The following ONECUT2 variants were observed in gnomAD, a reference collection of about 807,000 sequenced individuals.
ONECUT2 encodes the protein one cut domain family member 2.
Under a neutral mutation model 27.9 loss-of-function variants are expected in ONECUT2, and 10 were observed. The ratio of observed to expected loss-of-function variants is 0.36; its 90% CI spans 0.22 to 0.61. The LOEUF is 0.61. ONECUT2 is among the 20% of genes least tolerant of loss of function. The pLI is 0.73. For synonymous variants in ONECUT2, 334 were observed against 315.1 expected, an observed-to-expected ratio of 1.06 and a Z score of -0.64; for missense variants, 686 against 721.0, an observed-to-expected ratio of 0.95 and a Z score of 0.56.
intron 1 of ONECUT2, among the ~76,000 whole-genome samples, chr18:57,454,785 C>T (rs892428943): frequency 6.6e-6 from 1 of 152,188 alleles, no homozygotes; most frequent in African/African-American, 2.4e-5. Context: ...TCCCCACCCC[C>T]AATGTCCTTT....
chr18:57,471,344 GT>G (rs1265288852), intron 1 of ONECUT2, among the ~76,000 whole-genome samples: 1 of 152,234 alleles, frequency 6.6e-6, no homozygotes, highest in African/African-American at 2.4e-5. Context: ...ATGGAGTTGG[GT>G]TGGGATGGGG....
chr18:57,477,004 G>C lies in ONECUT2; in HGVS notation c.*281G>C. 2.3e-6 allele frequency: 1 copy of C among 430,674 alleles called. No homozygotes were observed. Among genetic ancestry groups the C allele is most frequent in the Non-Finnish European group, 4.2e-6 (1 of 239,788 alleles). 26.7% of individuals were successfully genotyped at this position (430,674 alleles called of 1,614,324 possible). ...TGCTAAGCATCCCAGAAACCCAAAT[G>C]GGGCCTTCCTGGAGCGAGTTAATTC... is the stretch of plus-strand genomic sequence containing the variant. On this transcript the variant is annotated 3_prime_UTR_variant, in exon 2 of 2. Transcript: ENST00000491143.
rs1282726245 is a variant in ONECUT2, at chr18:57,435,992, C to CACG, written c.277_279dup (p.Thr93dup). 6.6e-7 allele frequency: 1 copy of CACG among 1,506,314 alleles called. No individual in the cohort carries two copies. The highest frequency in any genetic ancestry group is 8.8e-7 in the Non-Finnish European group (1 of 1,131,776). The allele number at this position is 1,506,314 out of a possible 1,614,324, so 93.3% of individuals were successfully genotyped here. The stretch of plus-strand genomic sequence containing the variant: ...CTCCAACCGCGCACCAGGAGCTGGG[C>CACG]ACGGCGGCAGCGGCGGCAGCGGCGG... On this transcript the variant is annotated inframe_insertion, in exon 1 of 2. Coordinates refer to ENST00000491143, the MANE Select transcript of ONECUT2 (RefSeq NM_004852.3).
In ONECUT2 at chr18:57,485,966, A is replaced by C. The variant is rs3745069; in HGVS notation, c.*9243A>C. On this transcript the variant is annotated 3_prime_UTR_variant, in exon 2 of 2. Coordinates refer to ENST00000491143, the MANE Select transcript of ONECUT2 (RefSeq NM_004852.3). ...TTCCTAAATTCCTATTGGAATTAGAACTCTCAGAATCCCTGGGAGACAGAG... is the reference window on the plus strand; with the variant it reads ...TTCCTAAATTCCTATTGGAATTAGACCTCTCAGAATCCCTGGGAGACAGAG... 0.039 allele frequency: 5,887 copies of C among 152,518 alleles called. 318 individuals are homozygous for C. The highest frequency in any genetic ancestry group is 0.25 in the East Asian group (1,310 of 5,180). 9.4% of individuals were successfully genotyped at this position (152,518 alleles called of 1,614,324 possible).
chr18:57,475,022 A>G (rs1292201174), intron 1 of ONECUT2, among the ~76,000 whole-genome samples: 4 of 145,780 alleles, frequency 2.7e-5, no homozygotes, highest in Admixed American at 2.1e-4. Flanking sequence ...CACTGTCACC[A>G]CACCCCTAGG....
In ONECUT2 at chr18:57,487,199, T is replaced by C. The variant is rs544152897; in HGVS notation, c.*10476T>C. 1.8e-4 allele frequency: 27 copies of C among 152,698 alleles called. No individual in the cohort carries two copies. The highest frequency in any genetic ancestry group is 6.5e-4 in the African/African-American group (27 of 41,560). The allele number at this position is 152,698 out of a possible 1,614,324, so 9.5% of individuals were successfully genotyped here. A position where few individuals can be genotyped will look rare whatever the true frequency, so the allele number is the denominator to read the frequency against. ...GATCTGAAAATGAGTCACATTGAATTGGGTTCCAGCTTTATAATGAGAAAC... is the reference window on the plus strand; with the variant it reads ...GATCTGAAAATGAGTCACATTGAATCGGGTTCCAGCTTTATAATGAGAAAC... On this transcript the variant is annotated 3_prime_UTR_variant, in exon 2 of 2. Coordinates refer to ENST00000491143, the MANE Select transcript of ONECUT2 (RefSeq NM_004852.3).
In ONECUT2 at chr18:57,490,784, A is replaced by G. The variant is rs2050462001; in HGVS notation, c.*14061A>G. On this transcript the variant is annotated 3_prime_UTR_variant, in exon 2 of 2. Transcript: ENST00000491143. Reference sequence around the variant, plus strand: ...TTATTGCCAAGAAAATCGTAGGGAAAAACTTTAAACTTTTCTTTTCAGTTG... The same window carrying G: ...TTATTGCCAAGAAAATCGTAGGGAAGAACTTTAAACTTTTCTTTTCAGTTG... 1 of 152,444 alleles carries G rather than the reference A, an allele frequency of 6.6e-6. No homozygotes were observed. Among genetic ancestry groups the G allele is most frequent in the Non-Finnish European group, 1.5e-5 (1 of 68,036 alleles). 9.4% of individuals were successfully genotyped at this position (152,444 alleles called of 1,614,324 possible). A position where few individuals can be genotyped will look rare whatever the true frequency, so the allele number is the denominator to read the frequency against.
chr18:57,472,403 C>T (rs756706059), intron 1 of ONECUT2, among the ~76,000 whole-genome samples: 2 of 152,192 alleles, frequency 1.3e-5, no homozygotes, highest in African/African-American at 2.4e-5. Context: ...GGCAGGTGTT[C>T]TCCCTCCTGT....
chr18:57,436,452 C>T lies in ONECUT2; in HGVS notation c.736C>T (p.Leu246=), dbSNP rs765622199. The stretch of plus-strand genomic sequence containing the variant: ...CGGCCTCCACAACGCGCAGCAGAGT[C>T]TGCCCAACTACGGTCCGCCGGGCCA... ...LGGLHNAQQS[L]PNYGPPGHDK... is the part of the protein sequence containing the mutation. The change falls in exon 1 of 2, where the codon CTG becomes TTG. Residue 246 remains leucine (L), a synonymous_variant. Transcript: ENST00000491143. This position sits in a 1 kb window ranked among gnomAD's most constrained non-coding sequence, Gnocchi z 5.9. The T allele has an allele frequency of 1.1e-5, 18 of 1,612,930 alleles. No individual in the cohort carries two copies. The highest frequency in any genetic ancestry group is 1.4e-5 in the Non-Finnish European group (17 of 1,179,848).
intron 1 of ONECUT2, among the ~76,000 whole-genome samples, chr18:57,449,836 TG>T: frequency 6.6e-6 from 1 of 152,372 alleles, no homozygotes; most frequent in South Asian, 2.1e-4. Context: ...CAGCTAACTT[TG>T]GCCCATTCCT....
intron 1 of ONECUT2, among the ~76,000 whole-genome samples, chr18:57,459,036 T>G (rs1381178392): frequency 6.6e-6 from 1 of 152,238 alleles, no homozygotes; most frequent in Non-Finnish European, 1.5e-5. Context: ...AATGTCCTGT[T>G]CATATCCTTG....
At chr18:57,439,236 C>G (rs1331897614) in intron 1 of ONECUT2, among the ~76,000 whole-genome samples, 1 of 152,162 alleles carries the variant, frequency 6.6e-6, no homozygotes, top group Non-Finnish European at 1.5e-5. Context: ...GGTCCTCAGC[C>G]CCACCCGCGC....
At position 57,476,528 on chromosome 18, in the gene ONECUT2, A is replaced by C. The variant is rs2050382917; in HGVS notation, c.1320A>C (p.Thr440=). 1 of 1,614,122 alleles carries C rather than the reference A, an allele frequency of 6.2e-7. No homozygotes were observed. Among genetic ancestry groups the C allele is most frequent in the Non-Finnish European group, 8.5e-7 (1 of 1,180,012 alleles). Residue 440 remains threonine, a synonymous_variant, in exon 2 of 2, where the codon ACA becomes ACC. Transcript: ENST00000491143. Reference sequence around the variant, plus strand: ...TGTTCACTGACCTCCAACGCCGAACACTCTTCGCCATCTTCAAGGAGAACA... The same window carrying C: ...TGTTCACTGACCTCCAACGCCGAACCCTCTTCGCCATCTTCAAGGAGAACA... The part of the protein sequence containing the change: ...RLVFTDLQRR[T]LFAIFKENKR...
intron 1 of ONECUT2, among the ~76,000 whole-genome samples, chr18:57,466,522 A>G (rs1343933424): frequency 1.3e-5 from 2 of 152,230 alleles, no homozygotes; most frequent in Non-Finnish European, 2.9e-5. Context: ...GACTTCCTGG[A>G]TGGCTTACAG....
At chr18:57,447,733 C>G (rs1431106457) in intron 1 of ONECUT2, among the ~76,000 whole-genome samples, 2 of 152,160 alleles carry the variant, frequency 1.3e-5, no homozygotes, top group Non-Finnish European at 2.9e-5. Context: ...TCCCCAGATG[C>G]ATGCTCCTGA....
intron 1 of ONECUT2, among the ~76,000 whole-genome samples, chr18:57,474,890 C>T (rs2050373443): frequency 6.6e-6 from 1 of 152,092 alleles, no homozygotes; most frequent in Non-Finnish European, 1.5e-5. Context: ...GAATGTCAGT[C>T]CACTGCAAAG....
At chr18:57,468,766 C>T (rs770456385) in intron 1 of ONECUT2, among the ~76,000 whole-genome samples, 1 of 152,196 alleles carries the variant, frequency 6.6e-6, no homozygotes. Flanking sequence ...CTGAGATTTA[C>T]CAGCATTTAT....
chr18:57,475,392 G>A (rs1395229023), intron 1 of ONECUT2, among the ~76,000 whole-genome samples: 1 of 152,118 alleles, frequency 6.6e-6, no homozygotes, highest in Non-Finnish European at 1.5e-5. Context: ...TCATGTTTTA[G>A]CATTATGATT....
chr18:57,470,363 C>T (rs1291070858), intron 1 of ONECUT2, among the ~76,000 whole-genome samples: 1 of 152,168 alleles, frequency 6.6e-6, no homozygotes, highest in African/African-American at 2.4e-5. Flanking sequence ...TTTCCAAGAT[C>T]AAATCCAGGA....
Sources: gnomAD v4.1 joint callset for allele counts (sites outside exome capture counted in the v4.1 genomes callset) on GRCh38, gnomAD v4.1.1 for gene constraint, Gnocchi (gnomAD v3.1) non-coding constraint, MANE v1.5 for transcripts, NCBI Gene and HGNC (gene_info 2026-07-23, HGNC 2026-07-21) for gene names.